Variants in HELQ observed in about 807,000 individuals in gnomAD.
The protein encoded by HELQ is helicase POLQ-like.
HELQ carries 77 observed loss-of-function variants against 111.6 expected under a neutral mutation model. That is an observed-to-expected ratio of 0.69 (90% CI 0.57 to 0.83). HELQ has a LOEUF of 0.83. Ranked by LOEUF, HELQ falls within the 40% of genes least tolerant of loss-of-function variation. The pLI is 0.00. For missense variants in HELQ, 1,200 were observed against 1,288.5 expected (o/e 0.93, Z 1.05); for synonymous variants, 438 against 454.7 (o/e 0.96, Z 0.47).
rs1721531558 is a variant in HELQ, at chr4:83,453,645, C to G, written c.598G>C (p.Ala200Pro). 6.2e-7 allele frequency: 1 copy of G among 1,613,982 alleles called. No homozygotes were observed. Among genetic ancestry groups the G allele is most frequent in the East Asian group, 2.2e-5 (1 of 44,886 alleles). The change falls in exon 2 of 18, where the codon GCT (alanine) becomes CCT (proline). Residue 200 changes from alanine to proline, a missense_variant. By Grantham distance (27) the Ala-to-Pro change is conservative (BLOSUM62 -1). Transcript: ENST00000295488. ...TTCTGCAAATTTTCAAAGTATATAG[C>G]CTGTGAGGAAGGTACATCATACAAA... ...DLLYDVPSSQ[A>P]IYFENLQNSS...
intron 4 of HELQ, among the ~76,000 whole-genome samples, chr4:83,446,425 G>A (rs1228817357): frequency 6.6e-6 from 1 of 152,080 alleles, no homozygotes; most frequent in Admixed American, 6.5e-5. Context: ...TCCTGCCTCA[G>A]CCTCCCGAGT....
At chr4:83,447,325 C>T (rs181011520) in intron 3 of HELQ, among the ~76,000 whole-genome samples, 20 of 151,038 alleles carry the variant, frequency 1.3e-4, no homozygotes, top group East Asian at 3.9e-4. Context: ...CCAGCCTGGG[C>T]GACAGAGCAA....
In HELQ at chr4:83,442,800, C is replaced by T. The variant is rs113316823; in HGVS notation, c.1563+717G>A. ...CTCCTGGACTCAAGCAATTCTCATG[C>T]CCCGGCCTCTTAAAGTGTTGGCATT... On this transcript the variant is annotated intron_variant, in intron 6 of 17. Coordinates refer to ENST00000295488, the MANE Select transcript of HELQ (RefSeq NM_133636.5). Among the ~76,000 whole-genome samples, 781 of 152,210 alleles carry T rather than the reference C, an allele frequency of 5.1e-3. 10 individuals carry two copies. The highest frequency in any genetic ancestry group is 0.018 in the African/African-American group (742 of 41,512).
intron 16 of HELQ, among the ~76,000 whole-genome samples, chr4:83,417,637 G>C (rs1202451167): frequency 6.6e-6 from 1 of 152,162 alleles, no homozygotes; most frequent in Non-Finnish European, 1.5e-5. Context: ...GAAGTTGAGG[G>C]TTGGCTGAAA....
At chr4:83,414,086 A>G (rs1739240309) in intron 17 of HELQ, among the ~76,000 whole-genome samples, 1 of 152,206 alleles carries the variant, frequency 6.6e-6, no homozygotes, top group Admixed American at 6.5e-5. Flanking sequence ...GAAAAATCAG[A>G]ATTAGGGTTA....
At chr4:83,442,942 C>T (rs988352111) in intron 6 of HELQ, among the ~76,000 whole-genome samples, 2 of 152,106 alleles carry the variant, frequency 1.3e-5, no homozygotes, top group African/African-American at 4.8e-5. Context: ...AGGCACAAAA[C>T]ATACACACTA....
chr4:83,423,978 G>GC (rs984659919), intron 14 of HELQ, among the ~76,000 whole-genome samples: 22 of 151,882 alleles, frequency 1.4e-4, no homozygotes, highest in Non-Finnish European at 2.4e-4. Flanking sequence ...CAGGTGGGGG[G>GC]CCTCTTTTTC....
chr4:83,426,941 T>A (rs184843809), intron 13 of HELQ, among the ~76,000 whole-genome samples: 2 of 152,248 alleles, frequency 1.3e-5, no homozygotes, highest in Non-Finnish European at 2.9e-5. Context: ...GGCTTTATAA[T>A]AAGTATGGAC....
Position 83,448,971 on chromosome 4 carries a change from T to A in HELQ, c.1013-10A>T, listed in dbSNP as rs1721204963. On this transcript the variant is annotated splice_polypyrimidine_tract_variant and intron_variant, in intron 2 of 17. Coordinates refer to ENST00000295488, the MANE Select transcript of HELQ (RefSeq NM_133636.5). ...CAAGTATGTTGCCATTCTGTGGAAT[T>A]AAAAAAAAAAAGGCATTATTTTCCC... 2 of 1,353,998 alleles carry A rather than the reference T, an allele frequency of 1.5e-6. No homozygotes were observed. The highest frequency in any genetic ancestry group is 1.5e-5 in the African/African-American group (1 of 66,248). 83.9% of individuals were successfully genotyped at this position (1,353,998 alleles called of 1,614,324 possible).
intron 17 of HELQ, among the ~76,000 whole-genome samples, chr4:83,408,974 A>G (rs1738944203): frequency 6.6e-6 from 1 of 152,086 alleles, no homozygotes; most frequent in Non-Finnish European, 1.5e-5. Flanking sequence ...TTTAGGGGAG[A>G]GAATGGGTGA....
chr4:83,417,017 T>C, intron 16 of HELQ, 152 bp from the exon 17 acceptor site: 1 of 685,708 alleles, frequency 1.5e-6, no homozygotes, highest in Non-Finnish European at 2.3e-6. Context: ...TACTGAGGAA[T>C]TTTTAAAAAT....
intron 2 of HELQ, among the ~76,000 whole-genome samples, chr4:83,451,492 C>T (rs1362114360): frequency 6.6e-6 from 1 of 150,410 alleles, no homozygotes; most frequent in Non-Finnish European, 1.5e-5. Flanking sequence ...GAAACCTTGT[C>T]TCTACTAAAA....
intron 11 of HELQ, among the ~76,000 whole-genome samples, chr4:83,429,948 T>G (rs1271331463): frequency 6.6e-6 from 1 of 152,176 alleles, no homozygotes; most frequent in Non-Finnish European, 1.5e-5. Flanking sequence ...AGTTATTATA[T>G]TCATGCTTTT....
intron 2 of HELQ, among the ~76,000 whole-genome samples, chr4:83,452,257 AT>A (rs760612530): frequency 2.0e-5 from 3 of 151,568 alleles, no homozygotes; most frequent in Admixed American, 1.3e-4. Flanking sequence ...TTTTTTTGCA[AT>A]TTTTTTTCTT....
At chr4:83,443,204 A>G (rs1316467603) in intron 6 of HELQ, among the ~76,000 whole-genome samples, 1 of 152,172 alleles carries the variant, frequency 6.6e-6, no homozygotes, top group Non-Finnish European at 1.5e-5. Context: ...ATTTTGCCAA[A>G]TAAAAAAATT....
At chr4:83,410,662 T>C (rs1739036996) in intron 17 of HELQ, among the ~76,000 whole-genome samples, 1 of 152,210 alleles carries the variant, frequency 6.6e-6, no homozygotes, top group Admixed American at 6.5e-5. Context: ...CTTTGACACC[T>C]TCATTGAGAG....
intron 15 of HELQ, 88 bp downstream of exon 15, chr4:83,421,475 T>C: frequency 2.2e-6 from 2 of 906,144 alleles, no homozygotes; most frequent in Admixed American, 5.3e-5. Flanking sequence ...GAGAAAATGC[T>C]GACATACTGA....
In HELQ at chr4:83,448,844, A is replaced by T; in HGVS notation, c.1130T>A (p.Leu377Gln). ...LVAEILMLQE[L>Q]LCCRKDVLMI... is the part of the protein sequence containing the mutation. Reference sequence around the variant, plus strand: ...TAAAACATCTTTCCGACAGCAAAGCAGTTCTTGCAGCATTAAAATCTCAGC... The same window carrying T: ...TAAAACATCTTTCCGACAGCAAAGCTGTTCTTGCAGCATTAAAATCTCAGC... The change falls in exon 3 of 18, where the codon CTG (leucine) becomes CAG (glutamine). Residue 377 changes from leucine (L) to glutamine (Q), a missense_variant. Leu to Gln is a moderately radical substitution (Grantham distance 113, BLOSUM62 -2). Transcript: ENST00000295488. The T allele has an allele frequency of 1.9e-6, 3 of 1,614,024 alleles. No homozygotes were observed. Among genetic ancestry groups the T allele is most frequent in the Non-Finnish European group, 2.5e-6 (3 of 1,179,952 alleles).
chr4:83,438,847 C>T (rs924926456), intron 8 of HELQ, among the ~76,000 whole-genome samples: 1 of 151,718 alleles, frequency 6.6e-6, no homozygotes, highest in Non-Finnish European at 1.5e-5. Context: ...CTGACTAAGC[C>T]AGTTGTTCCT....
Sources: gnomAD v4.1 joint callset for allele counts (sites outside exome capture counted in the v4.1 genomes callset) on GRCh38, gnomAD v4.1.1 for gene constraint, MANE v1.5 for transcripts, NCBI Gene and HGNC (gene_info 2026-07-23, HGNC 2026-07-21) for gene names.